The following IMPACT variants were observed in gnomAD, a reference collection of about 807,000 sequenced individuals.
IMPACT encodes the protein impact RWD domain protein, also known as protein IMPACT.
In IMPACT, 35 loss-of-function variants were observed where a neutral mutation model predicts 47.5. The ratio of observed to expected loss-of-function variants is 0.74; its 90% CI spans 0.56 to 0.98. IMPACT has a LOEUF of 0.98. IMPACT is among the 50% of genes least tolerant of loss of function. IMPACT has a pLI of 0.00. For missense variants in IMPACT, 373 were observed against 394.8 expected, an observed-to-expected ratio of 0.94 and a Z score of 0.47; for synonymous variants, 118 against 125.6, an observed-to-expected ratio of 0.94 and a Z score of 0.40.
chr18:24,437,999 TAA>T lies in IMPACT; in HGVS notation c.327_328del (p.Ile109MetfsTer22). 6.3e-7 allele frequency: 1 copy of T among 1,583,402 alleles called. No homozygotes were observed. The highest frequency in any genetic ancestry group is 1.3e-5 in the African/African-American group (1 of 74,142). On this transcript the variant is annotated frameshift_variant, in exon 5 of 11. Coordinates refer to ENST00000284202, the MANE Select transcript of IMPACT (RefSeq NM_018439.4). LOFTEE classifies it high-confidence loss of function. ...ATTCTTTACCTGTGGGTGGAGAAAATAAGAGATGTTCTTATACAAAAATCTCA... is the reference window on the plus strand; with the variant it reads ...ATTCTTTACCTGTGGGTGGAGAAAATGAGATGTTCTTATACAAAAATCTCA...
intron 1 of IMPACT, 96 bp from the exon 2 acceptor site, chr18:24,427,823 T>C (rs1233260031): frequency 5.7e-6 from 7 of 1,226,954 alleles, no homozygotes; most frequent in Non-Finnish European, 6.8e-6. Context: ...TTTGATCTAC[T>C]CTGGTAATGT....
At chr18:24,442,830 A>C (rs895764208) in intron 6 of IMPACT, among the ~76,000 whole-genome samples, 6 of 152,222 alleles carry the variant, frequency 3.9e-5, no homozygotes, top group Admixed American at 6.5e-5. Flanking sequence ...GGTGGAAATC[A>C]TTTATAAATC....
chr18:24,447,933 G>A (rs749992095), intron 8 of IMPACT, among the ~76,000 whole-genome samples, 160 bp from the exon 9 acceptor site: 10 of 152,054 alleles, frequency 6.6e-5, no homozygotes, highest in Admixed American at 2.0e-4. Context: ...ATAGTAAACC[G>A]TCAGTGAAAA....
chr18:24,450,751 ATGC>A, intron 10 of IMPACT, 25 bp from the exon 11 acceptor site: 1 of 1,483,722 alleles, frequency 6.7e-7, no homozygotes, highest in Non-Finnish European at 9.4e-7. Flanking sequence ...AAATGGAGAG[ATGC>A]TGCACTGATT....
Position 24,451,479 on chromosome 18 carries a change from T to A in IMPACT, c.*632T>A, listed in dbSNP as rs1201171525. The A allele has an allele frequency of 6.6e-6, 1 of 152,224 alleles. No individual in the cohort carries two copies. Among genetic ancestry groups the A allele is most frequent in the Admixed American group, 6.5e-5 (1 of 15,280 alleles). 9.4% of individuals were successfully genotyped at this position (152,224 alleles called of 1,614,324 possible). A position where few individuals can be genotyped will look rare whatever the true frequency, so the allele number is the denominator to read the frequency against. ...CATAAATATTATGCTTCAGTTTCTG[T>A]TGCAAATTGGTGATTGTGAAATTAC... On this transcript the variant is annotated 3_prime_UTR_variant, in exon 11 of 11. Coordinates refer to ENST00000284202, the MANE Select transcript of IMPACT (RefSeq NM_018439.4).
intron 4 of IMPACT, among the ~76,000 whole-genome samples, chr18:24,433,224 G>A (rs1286129504): frequency 9.2e-6 from 1 of 108,732 alleles, no homozygotes; most frequent in East Asian, 2.8e-4. Context: ...ACGGAGTCTC[G>A]CTCTGTCGCC....
intron 4 of IMPACT, among the ~76,000 whole-genome samples, chr18:24,434,776 A>AAATATATATATATATAT: frequency 8.8e-6 from 1 of 113,998 alleles, no homozygotes; most frequent in East Asian, 2.4e-4. Flanking sequence ...AAAAAAAAAA[A>AAATATATATATATATAT]ATATATATAT....
chr18:24,427,021 T>C, intron 1 of IMPACT: 2 of 391,994 alleles, frequency 5.1e-6, no homozygotes, highest in Non-Finnish European at 9.0e-6. Context: ...TCGGACGGTG[T>C]CCTCGTCAAC....
intron 3 of IMPACT, among the ~76,000 whole-genome samples, chr18:24,429,998 T>C (rs905428909): frequency 3.3e-5 from 5 of 151,994 alleles, no homozygotes; most frequent in African/African-American, 9.7e-5. Flanking sequence ...AGGATGGTCT[T>C]GATCTCCTGA....
At chr18:24,441,071 G>A (rs1167431870) in intron 6 of IMPACT, among the ~76,000 whole-genome samples, 2 of 152,142 alleles carry the variant, frequency 1.3e-5, no homozygotes, top group Non-Finnish European at 2.9e-5. Flanking sequence ...TGAGAGACAA[G>A]GTCTCGCTGT....
intron 2 of IMPACT, 93 bp downstream of exon 2, chr18:24,428,140 A>G (rs1251809734): frequency 2.5e-6 from 3 of 1,203,864 alleles, no homozygotes; most frequent in Non-Finnish European, 3.4e-6. Context: ...TGTTTTCTAA[A>G]TTATCTTTGT....
intron 4 of IMPACT, among the ~76,000 whole-genome samples, chr18:24,435,899 C>T (rs1043450085): frequency 7.3e-6 from 1 of 137,728 alleles, no homozygotes; most frequent in Non-Finnish European, 1.6e-5. Context: ...TGCTGTGTTT[C>T]AAAGGGATGG....
chr18:24,430,205 G>C (rs1490885892), intron 3 of IMPACT, 117 bp from the exon 4 acceptor site: 1 of 591,522 alleles, frequency 1.7e-6, no homozygotes, highest in African/African-American at 1.9e-5. Flanking sequence ...ACAAATATAA[G>C]ACCATTTATG....
intron 7 of IMPACT, among the ~76,000 whole-genome samples, chr18:24,444,539 A>G (rs778420401): frequency 1.3e-4 from 20 of 152,248 alleles, no homozygotes; most frequent in South Asian, 2.1e-4. Context: ...CTGATTTCCA[A>G]TGTCTACAAG....
chr18:24,434,376 G>T (rs1392761522), intron 4 of IMPACT, among the ~76,000 whole-genome samples: 1 of 151,946 alleles, frequency 6.6e-6, no homozygotes, highest in Admixed American at 6.5e-5. Context: ...GAAGGGAAGG[G>T]GCTCTTTAGA....
chr18:24,449,993 C>G, intron 10 of IMPACT, 40 bp downstream of exon 10: 5 of 1,596,134 alleles, frequency 3.1e-6, no homozygotes, highest in Non-Finnish European at 3.4e-6. Context: ...AATTTCTCAT[C>G]ACTGCCTGGG....
chr18:24,428,725 A>G (rs977275175), intron 2 of IMPACT, 144 bp from the exon 3 acceptor site: 23 of 539,634 alleles, frequency 4.3e-5, no homozygotes, highest in Admixed American at 3.8e-4. Context: ...ACTTGGGGTC[A>G]GGGTATAATG....
At position 24,453,359 on chromosome 18, in the gene IMPACT, G is replaced by A. The variant is rs1029028354; in HGVS notation, c.*2512G>A. On this transcript the variant is annotated 3_prime_UTR_variant, in exon 11 of 11. Coordinates refer to ENST00000284202, the MANE Select transcript of IMPACT (RefSeq NM_018439.4). ...AGATAGCCATTATTATTAATATTTG[G>A]TATGTACATCCTTATATTATTTTTT... 4 of 151,896 alleles carry A rather than the reference G, an allele frequency of 2.6e-5. No individual in the cohort carries two copies. Among genetic ancestry groups the A allele is most frequent in the East Asian group, 1.9e-4 (1 of 5,182 alleles). 9.4% of individuals were successfully genotyped at this position (151,896 alleles called of 1,614,324 possible).
At position 24,449,899 on chromosome 18, in the gene IMPACT, T is replaced by C; in HGVS notation, c.840T>C (p.His280=). 6.2e-7 allele frequency: 1 copy of C among 1,613,976 alleles called. No individual in the cohort carries two copies. The highest frequency in any genetic ancestry group is 8.5e-7 in the Non-Finnish European group (1 of 1,179,898). The change falls in exon 10 of 11, where the codon CAT becomes CAC. Residue 280 remains histidine, a synonymous_variant. Transcript: ENST00000284202. ...TGCTAGGACCAGATCGCTTTAAACA[T>C]ATCAACAACTGTGCCAGAAACATAC... ...GILLGPDRFK[H]INNCARNILV...
Sources: gnomAD v4.1 joint callset for allele counts (sites outside exome capture counted in the v4.1 genomes callset) on GRCh38, gnomAD v4.1.1 for gene constraint, MANE v1.5 for transcripts, NCBI Gene and HGNC (gene_info 2026-07-23, HGNC 2026-07-21) for gene names.